Variants in SOX5 observed in about 807,000 individuals in gnomAD.
The protein encoded by SOX5 is SRY-box transcription factor 5.
A neutral mutation model predicts 92.0 loss-of-function variants in SOX5; 9 were observed. The ratio of observed to expected loss-of-function variants is 0.10; its 90% CI spans 0.06 to 0.17. The LOEUF (loss-of-function observed/expected upper bound fraction) is 0.17, where lower values mean the gene tolerates loss of function less well. Among genes scored for constraint, SOX5 ranks in the 10% least tolerant of loss-of-function variants. The probability of loss-of-function intolerance (pLI) is 1.00; values close to 1 mark genes in which losing one functional copy is unlikely to be tolerated. For synonymous variants in SOX5, 344 were observed against 336.3 expected (o/e 1.02, Z -0.25); for missense variants, 642 against 944.5 (o/e 0.68, Z 4.20).
At chr12:24,325,658 T>G (rs1240855809) in intron 2 of SOX5, among the ~76,000 whole-genome samples, 1 of 152,162 alleles carries the variant, frequency 6.6e-6, no homozygotes, top group Non-Finnish European at 1.5e-5. Flanking sequence ...TGCATTTACA[T>G]GATAGTGGAA....
At chr12:24,380,721 A>C (rs1287959135) in intron 1 of SOX5, among the ~76,000 whole-genome samples, 1 of 152,188 alleles carries the variant, frequency 6.6e-6, no homozygotes, top group East Asian at 1.9e-4. Flanking sequence ...ATTGTCCCAG[A>C]GTTCTTGATA....
At chr12:24,446,725 A>G (rs550393191) in intron 1 of SOX5, among the ~76,000 whole-genome samples, 3 of 152,322 alleles carry the variant, frequency 2.0e-5, no homozygotes, top group Admixed American at 6.5e-5. Context: ...TAGTAATGGG[A>G]GAGTCTAAGA....
At chr12:23,918,246 T>A (rs1179959858) in intron 1 of SOX5, among the ~76,000 whole-genome samples, 2 of 152,356 alleles carry the variant, frequency 1.3e-5, no homozygotes, top group East Asian at 3.9e-4. Context: ...AAGTAATTTT[T>A]ACTGTCTTTC....
chr12:23,653,362 C>T (rs575719585), intron 7 of SOX5, among the ~76,000 whole-genome samples: 3 of 152,006 alleles, frequency 2.0e-5, no homozygotes, highest in South Asian at 2.1e-4. Context: ...TGTATAGCTG[C>T]CTTTATCCTT....
intron 4 of SOX5, chr12:24,212,614 T>C: frequency 2.5e-6 from 1 of 403,724 alleles, no homozygotes; most frequent in Non-Finnish European, 4.9e-6. Context: ...GACACTTCCC[T>C]GGACCCAGGA....
At chr12:23,844,382 TA>T (rs1480429435) in intron 3 of SOX5, among the ~76,000 whole-genome samples, 1 of 151,394 alleles carries the variant, frequency 6.6e-6, no homozygotes, top group African/African-American at 2.4e-5. Context: ...AAGCTAATCA[TA>T]AAAAATTAGC....
At chr12:24,026,152 T>G (rs1174832579) in intron 4 of SOX5, among the ~76,000 whole-genome samples, 1 of 152,058 alleles carries the variant, frequency 6.6e-6, no homozygotes, top group African/African-American at 2.4e-5. Context: ...AAACTAAATT[T>G]GGCAGTTTGG....
chr12:23,550,734 T>C (rs1044929831), intron 11 of SOX5, among the ~76,000 whole-genome samples: 6 of 151,856 alleles, frequency 4.0e-5, no homozygotes, highest in African/African-American at 1.4e-4. Context: ...GTAAGTCTAG[T>C]ACATATTTAA....
chr12:24,516,061 G>A (rs1949754169), intron 1 of SOX5, among the ~76,000 whole-genome samples: 1 of 141,142 alleles, frequency 7.1e-6, no homozygotes, highest in African/African-American at 2.7e-5. Context: ...TTTTTTTTAA[G>A]CGACAGAGTC....
chr12:24,325,985 G>C (rs140312247), intron 2 of SOX5, among the ~76,000 whole-genome samples: 1 of 152,292 alleles, frequency 6.6e-6, no homozygotes, highest in Non-Finnish European at 1.5e-5. Context: ...AAAACTTTAA[G>C]TCCATTCTGG....
chr12:24,471,138 A>G (rs183489832), intron 1 of SOX5, among the ~76,000 whole-genome samples: 12 of 152,308 alleles, frequency 7.9e-5, no homozygotes. Flanking sequence ...TATTTTAGGC[A>G]TTAATTCATA....
chr12:24,368,084 T>C (rs1273967555), intron 2 of SOX5: 4 of 152,180 alleles, frequency 2.6e-5, no homozygotes, highest in African/African-American at 9.7e-5. Context: ...ATACATTTTA[T>C]CCCAATATAG....
intron 4 of SOX5, among the ~76,000 whole-genome samples, chr12:23,960,512 T>C (rs1359550744): frequency 6.0e-5 from 6 of 99,262 alleles, no homozygotes; most frequent in Non-Finnish European, 1.2e-4. Flanking sequence ...TATATTTATA[T>C]ACATATATAT....
intron 4 of SOX5, among the ~76,000 whole-genome samples, chr12:24,112,521 CTTTTTTTTTTTTTTTT>C (rs139323766): frequency 5.3e-5 from 4 of 75,666 alleles, no homozygotes; most frequent in African/African-American, 1.9e-4. Context: ...TTCAAGGTTC[CTTTTTTTTTTTTTTTT>C]TTTTTTTTTT....
At chr12:24,270,596 C>T (rs1329394338) in intron 3 of SOX5, among the ~76,000 whole-genome samples, 2 of 152,152 alleles carry the variant, frequency 1.3e-5, no homozygotes, top group Non-Finnish European at 2.9e-5. Context: ...CCCATGGAAG[C>T]ACCACACAGG....
chr12:24,076,321 A>G (rs1592930975), intron 4 of SOX5, among the ~76,000 whole-genome samples: 2 of 152,158 alleles, frequency 1.3e-5, no homozygotes, highest in Non-Finnish European at 2.9e-5. Context: ...AGTGAGCATT[A>G]AAGACTTGGC....
At chr12:23,737,110 C>A (rs1037270450) in intron 5 of SOX5, among the ~76,000 whole-genome samples, 2 of 152,000 alleles carry the variant, frequency 1.3e-5, no homozygotes, top group African/African-American at 4.8e-5. Flanking sequence ...CTATTTAAAT[C>A]CTTTTAACAG....
At chr12:23,804,491 T>C (rs531191486) in intron 3 of SOX5, among the ~76,000 whole-genome samples, 5 of 152,212 alleles carry the variant, frequency 3.3e-5, no homozygotes, top group East Asian at 1.9e-4. Flanking sequence ...AAATCATCAA[T>C]AGCTTTTCAG....
chr12:24,346,992 C>T (rs1184659191), intron 2 of SOX5, among the ~76,000 whole-genome samples: 3 of 152,050 alleles, frequency 2.0e-5, no homozygotes, highest in East Asian at 1.9e-4. Flanking sequence ...CAAACCTGCA[C>T]GTTGTGCACA....
Sources: gnomAD v4.1 joint callset for allele counts (sites outside exome capture counted in the v4.1 genomes callset) on GRCh38, gnomAD v4.1.1 for gene constraint, MANE v1.5 for transcripts, NCBI Gene and HGNC (gene_info 2026-07-23, HGNC 2026-07-21) for gene names.